The following ZNF800 variants were observed in gnomAD, a reference collection of about 807,000 sequenced individuals.
The protein encoded by ZNF800 is zinc finger protein 800.
In ZNF800, 13 loss-of-function variants were observed where a neutral mutation model predicts 59.5. That is an observed-to-expected ratio of 0.22 (90% CI 0.14 to 0.35). The LOEUF is 0.35. ZNF800 is among the 10% of genes least tolerant of loss of function. ZNF800 has a pLI of 1.00. For synonymous variants in ZNF800, 266 were observed against 265.7 expected (o/e 1.00, Z -0.01); for missense variants, 621 against 783.7 (o/e 0.79, Z 2.48).
chr7:127,381,849 G>A (rs553729156), intron 3 of ZNF800, among the ~76,000 whole-genome samples: 2 of 151,850 alleles, frequency 1.3e-5, no homozygotes, highest in African/African-American at 4.8e-5. Context: ...TCCACCCTAC[G>A]CTTTGCCTTC....
chr7:127,360,800 T>C (rs988982752), intron 1 of ZNF800: 2 of 152,148 alleles, frequency 1.3e-5, no homozygotes, highest in African/African-American at 2.4e-5. Flanking sequence ...TACAGGCATG[T>C]AATGAAGCAT....
intron 2 of ZNF800, among the ~76,000 whole-genome samples, chr7:127,386,665 G>T (rs12535410): frequency 0.14 from 21,351 of 152,180 alleles, 1,601 homozygotes; most frequent in Middle Eastern, 0.27. Context: ...GGATGCAGAA[G>T]AATGTTCACT....
intron 1 of ZNF800, among the ~76,000 whole-genome samples, chr7:127,354,535 A>C (rs1393001293): frequency 6.6e-6 from 1 of 152,104 alleles, no homozygotes; most frequent in Admixed American, 6.6e-5. Context: ...TGTGTGAAGG[A>C]CAATGTATAC....
At chr7:127,364,719 G>C (rs1418977828) in intron 1 of ZNF800, 1 of 152,086 alleles carries the variant, frequency 6.6e-6, no homozygotes, top group Admixed American at 6.6e-5. Flanking sequence ...ACAGGCAAGG[G>C]TGGAAGTGCT....
intron 2 of ZNF800, among the ~76,000 whole-genome samples, chr7:127,389,453 T>C (rs1476507081): frequency 6.6e-6 from 1 of 152,202 alleles, no homozygotes; most frequent in Non-Finnish European, 1.5e-5. Flanking sequence ...ACTCACCCAG[T>C]ATTCATAATC....
At chr7:127,345,911 T>C (rs1017592517), downstream of ZNF800, among the ~76,000 whole-genome samples, 1 of 152,084 alleles carries the variant, frequency 6.6e-6, no homozygotes, top group African/African-American at 2.4e-5. Context: ...GGTTCACAGA[T>C]GGAGAAGACG....
intron 5 of ZNF800, 136 bp from the exon 6 acceptor site, chr7:127,371,950 A>G: frequency 1.7e-6 from 1 of 588,474 alleles, no homozygotes; most frequent in Non-Finnish European, 3.1e-6. Flanking sequence ...AACGTGTGAT[A>G]ATCAAACCAC....
chr7:127,385,970 T>C, intron 3 of ZNF800, 90 bp downstream of exon 3: 1 of 817,348 alleles, frequency 1.2e-6, no homozygotes, highest in Non-Finnish European at 1.9e-6. Flanking sequence ...ATATACATTT[T>C]AATGTTTTTT....
chr7:127,363,385 A>G (rs748498223), intron 1 of ZNF800: 2 of 152,066 alleles, frequency 1.3e-5, no homozygotes, highest in African/African-American at 2.4e-5. Context: ...ATATTTGAAG[A>G]CCTAGTAACA....
At chr7:127,371,843 T>G in intron 5 of ZNF800, 29 bp from the exon 6 acceptor site, 1 of 760,194 alleles carries the variant, frequency 1.3e-6, no homozygotes, top group Non-Finnish European at 2.4e-6. Context: ...AAATGAACAC[T>G]TTTGAGTTTA....
chr7:127,373,219 C>T (rs1800679346), intron 5 of ZNF800, 123 bp downstream of exon 5: 2 of 1,478,330 alleles, frequency 1.4e-6, no homozygotes, highest in Non-Finnish European at 1.8e-6. Flanking sequence ...TTGCAGTTCC[C>T]ATTGCCATGA....
intron 2 of ZNF800, among the ~76,000 whole-genome samples, chr7:127,390,332 A>G (rs897487004): frequency 6.6e-6 from 1 of 152,210 alleles, no homozygotes; most frequent in Non-Finnish European, 1.5e-5. Flanking sequence ...AAGGATCCTG[A>G]AAGTTAAACA....
downstream of ZNF800, among the ~76,000 whole-genome samples, chr7:127,366,416 TA>T (rs545337823): frequency 6.5e-4 from 99 of 152,270 alleles, no homozygotes; most frequent in African/African-American, 2.4e-3. Context: ...TGCGGTGGCC[TA>T]ATATGCTGCT....
In ZNF800 at chr7:127,374,232, A is replaced by G. The variant is rs760918278; in HGVS notation, c.1104T>C (p.Tyr368=). ...GTCTTTTAAGCATTATTTGTGAACT[A>G]TATTTCCTCTTGCAAAGGAGGCATT... The part of the protein sequence containing the change: ...ACKCLLCKRK[Y]SSQIMLKRHM... Residue 368 remains tyrosine (Y), a synonymous_variant, in exon 5 of 6, where the codon TAT becomes TAC. Coordinates refer to ENST00000265827, the MANE Select transcript of ZNF800 (RefSeq NM_176814.5). 8 of 1,613,978 alleles carry G rather than the reference A, an allele frequency of 5.0e-6. No homozygotes were observed. Among genetic ancestry groups the G allele is most frequent in the South Asian group, 4.4e-5 (4 of 91,088 alleles).
At chr7:127,388,659 A>C (rs1037474387) in intron 2 of ZNF800, among the ~76,000 whole-genome samples, 3 of 152,130 alleles carry the variant, frequency 2.0e-5, no homozygotes, top group Non-Finnish European at 4.4e-5. Context: ...CTTCCACATG[A>C]CAGCACCTCA....
At position 127,371,495 on chromosome 7, in the gene ZNF800, GT is replaced by G. The variant is rs1208169583; in HGVS notation, c.*318del. 7 of 236,608 alleles carry G rather than the reference GT, an allele frequency of 3.0e-5. No homozygotes were observed. Among genetic ancestry groups the G allele is most frequent in the Non-Finnish European group, 4.1e-5 (5 of 123,388 alleles). 14.7% of individuals were successfully genotyped at this position (236,608 alleles called of 1,614,324 possible). On this transcript the variant is annotated 3_prime_UTR_variant, in exon 6 of 6. Transcript: ENST00000265827. ...TTGTTGATCACTTAATCAACAAATT[GT>G]TTAGAAAACAAAATTTGTAACATTT... is the stretch of plus-strand genomic sequence containing the variant.
At chr7:127,384,026 G>A (rs1801053854) in intron 3 of ZNF800, among the ~76,000 whole-genome samples, 2 of 151,474 alleles carry the variant, frequency 1.3e-5, no homozygotes, top group South Asian at 2.1e-4. Flanking sequence ...GTAAAAATAC[G>A]ACAAACACAG....
rs964380452 is a variant in ZNF800, at chr7:127,371,805, T to C, written c.*9A>G. The C allele has an allele frequency of 5.2e-6, 4 of 767,688 alleles. No homozygotes were observed. The highest frequency in any genetic ancestry group is 2.3e-4 in the Middle Eastern group (1 of 4,410). 47.6% of individuals were successfully genotyped at this position (767,688 alleles called of 1,614,324 possible). ...AACTCCAAACCTTTTCGTACATCAC[T>C]TGAAGTTATCTGAGGAGAAATGGGA... On this transcript the variant is annotated 3_prime_UTR_variant, in exon 6 of 6. Transcript: ENST00000265827.
chr7:127,386,190 C>CAAAA (rs1216932963), intron 2 of ZNF800, 35 bp from the exon 3 acceptor site: 1 of 1,301,912 alleles, frequency 7.7e-7, no homozygotes, highest in Admixed American at 2.0e-5. Context: ...CCAATCCCCA[C>CAAAA]AAAAAAAGGG....
Sources: gnomAD v4.1 joint callset for allele counts (sites outside exome capture counted in the v4.1 genomes callset) on GRCh38, gnomAD v4.1.1 for gene constraint, MANE v1.5 for transcripts, NCBI Gene and HGNC (gene_info 2026-07-23, HGNC 2026-07-21) for gene names.